SDK1: variants seen among roughly 807,000 people sequenced by gnomAD.
The protein encoded by SDK1 is sidekick cell adhesion molecule 1, also known as protein sidekick-1.
SDK1 carries 157 observed loss-of-function variants against 245.5 expected under a neutral mutation model. The ratio of observed to expected loss-of-function variants is 0.64; its 90% CI spans 0.56 to 0.73. The LOEUF (loss-of-function observed/expected upper bound fraction) is 0.73. Ranked by LOEUF, SDK1 falls within the 30% of genes least tolerant of loss-of-function variation. The pLI is 0.00. For synonymous variants in SDK1, 1,647 were observed against 1,278.5 expected (o/e 1.29, Z -6.15); for missense variants, 3,583 against 3,002.3 (o/e 1.19, Z -4.52).
chr7:3,813,440 C>G (rs1181276400), intron 4 of SDK1, among the ~76,000 whole-genome samples: 7 of 137,954 alleles, frequency 5.1e-5, no homozygotes, highest in Non-Finnish European at 9.3e-5. Context: ...AGGACATGAA[C>G]TCATCATTTT....
chr7:3,931,349 A>G (rs941560404), intron 5 of SDK1, among the ~76,000 whole-genome samples: 7 of 152,228 alleles, frequency 4.6e-5, no homozygotes, highest in African/African-American at 1.7e-4. Flanking sequence ...TCATACAACT[A>G]TATTGATGAA....
intron 4 of SDK1, among the ~76,000 whole-genome samples, chr7:3,741,449 T>G (rs1194272446): frequency 7.2e-5 from 11 of 152,216 alleles, no homozygotes; most frequent in Non-Finnish European, 1.3e-4. Context: ...GTGAAGCTTA[T>G]TTTAGCTGTC....
intron 5 of SDK1, among the ~76,000 whole-genome samples, chr7:3,856,518 T>C (rs1040683224): frequency 5.6e-5 from 8 of 141,930 alleles, no homozygotes; most frequent in Admixed American, 1.4e-4. Flanking sequence ...TGGCCGGGCA[T>C]GGTGGCTCAC....
chr7:3,579,821 G>T (rs1220650851), intron 1 of SDK1, among the ~76,000 whole-genome samples: 2 of 152,192 alleles, frequency 1.3e-5, no homozygotes, highest in Non-Finnish European at 2.9e-5. Context: ...AGTATCCTTT[G>T]TTTGCAGGTG....
At chr7:3,791,856 G>A (rs1781102368) in intron 4 of SDK1, among the ~76,000 whole-genome samples, 1 of 152,114 alleles carries the variant, frequency 6.6e-6, no homozygotes, top group Non-Finnish European at 1.5e-5. Context: ...AGGCATGGTG[G>A]CTCATGCATG....
At chr7:3,398,923 T>C (rs1382204487) in intron 1 of SDK1, among the ~76,000 whole-genome samples, 1 of 152,096 alleles carries the variant, frequency 6.6e-6, no homozygotes, top group Non-Finnish European at 1.5e-5. Flanking sequence ...CTATTTGCCC[T>C]GAGACCTCAG....
At chr7:4,144,620 CTCGGTCGT>C in intron 28 of SDK1, among the ~76,000 whole-genome samples, 1 of 151,954 alleles carries the variant, frequency 6.6e-6, no homozygotes, top group Non-Finnish European at 1.5e-5. Flanking sequence ...TGCCTGTGAG[CTCGGTCGT>C]TCATGAACCA....
At chr7:3,694,907 AC>A (rs2115000038) in intron 4 of SDK1, among the ~76,000 whole-genome samples, 1 of 152,310 alleles carries the variant, frequency 6.6e-6, no homozygotes, top group African/African-American at 2.4e-5. Context: ...ACACACAAGC[AC>A]ATTTCCTAGA....
intron 1 of SDK1, among the ~76,000 whole-genome samples, chr7:3,349,145 T>A (rs1485446940): frequency 1.3e-5 from 2 of 151,828 alleles, no homozygotes; most frequent in African/African-American, 4.8e-5. Context: ...GCTGCCTCCT[T>A]CCTCAGTCCC....
At chr7:3,578,379 C>T (rs1386812292) in intron 1 of SDK1, among the ~76,000 whole-genome samples, 1 of 152,034 alleles carries the variant, frequency 6.6e-6, no homozygotes, top group African/African-American at 2.4e-5. Context: ...TCTGCGGAAA[C>T]AGGACAAGGC....
chr7:3,827,472 A>G (rs1329475805), intron 5 of SDK1, among the ~76,000 whole-genome samples: 2 of 152,218 alleles, frequency 1.3e-5, no homozygotes, highest in Admixed American at 6.5e-5. Context: ...AGAATTCTAA[A>G]TATCAGGGGC....
At chr7:3,801,437 A>C (rs1779104263) in intron 4 of SDK1, among the ~76,000 whole-genome samples, 1 of 152,182 alleles carries the variant, frequency 6.6e-6, no homozygotes, top group South Asian at 2.1e-4. Flanking sequence ...AAATTCACTA[A>C]CTGACCTCAG....
chr7:3,589,969 C>T (rs1050617006), intron 1 of SDK1, among the ~76,000 whole-genome samples: 14 of 152,190 alleles, frequency 9.2e-5, no homozygotes, highest in African/African-American at 3.4e-4. Context: ...CTGCACTTGA[C>T]CTGAGTCATG....
At chr7:3,852,487 C>G (rs1028442102) in intron 5 of SDK1, among the ~76,000 whole-genome samples, 1 of 151,564 alleles carries the variant, frequency 6.6e-6, no homozygotes, top group Non-Finnish European at 1.5e-5. Context: ...GTGGCTCACA[C>G]CTGTAATCCC....
At chr7:3,740,290 A>G (rs1271833256) in intron 4 of SDK1, among the ~76,000 whole-genome samples, 2 of 152,278 alleles carry the variant, frequency 1.3e-5, no homozygotes, top group African/African-American at 4.8e-5. Flanking sequence ...AGCCCTGTAC[A>G]TGTGTGTGAC....
At chr7:3,954,644 A>C (rs1583625298) in intron 7 of SDK1, among the ~76,000 whole-genome samples, 3 of 106,444 alleles carry the variant, frequency 2.8e-5, no homozygotes, top group African/African-American at 3.8e-5. Context: ...TCCCCTCTAC[A>C]CCCTCCGCTT....
chr7:4,221,218 C>T (rs895389208), intron 39 of SDK1, 21 bp from the exon 40 acceptor site: 1 of 1,611,982 alleles, frequency 6.2e-7, no homozygotes, highest in Non-Finnish European at 8.5e-7. Flanking sequence ...CCTCACCTCT[C>T]TTTTCTTCTT....
At chr7:3,325,664 G>A (rs939484345) in intron 1 of SDK1, among the ~76,000 whole-genome samples, 2 of 152,096 alleles carry the variant, frequency 1.3e-5, no homozygotes, top group African/African-American at 4.8e-5. Flanking sequence ...AGCTTCCTGT[G>A]TAAAATTATT....
intron 1 of SDK1, among the ~76,000 whole-genome samples, chr7:3,520,130 T>C (rs1359653362): frequency 6.6e-6 from 1 of 152,224 alleles, no homozygotes; most frequent in Non-Finnish European, 1.5e-5. Context: ...AGATATCAAG[T>C]TACCAGAATC....
Sources: allele counts gnomAD v4.1 joint callset (sites outside exome capture counted in the v4.1 genomes callset), GRCh38; gene constraint gnomAD v4.1.1; transcripts MANE v1.5; gene names NCBI Gene and HGNC (gene_info 2026-07-23, HGNC 2026-07-21).